Variants in R3HDM1 observed in about 807,000 individuals in gnomAD.
R3HDM1 encodes the protein R3H domain containing 1.
R3HDM1 carries 46 observed loss-of-function variants against 141.1 expected under a neutral mutation model. The ratio of observed to expected loss-of-function variants is 0.33; its 90% CI spans 0.26 to 0.42. The LOEUF is 0.42. Ranked by LOEUF, R3HDM1 falls within the 10% of genes least tolerant of loss-of-function variation. The probability of loss-of-function intolerance (pLI) is 1.00; values close to 1 mark genes in which losing one functional copy is unlikely to be tolerated. For synonymous variants in R3HDM1, 435 were observed against 472.9 expected (o/e 0.92, Z 1.04); for missense variants, 1,184 against 1,368.3 (o/e 0.87, Z 2.12).
At chr2:135,632,051 T>G (rs1291437412) in intron 9 of R3HDM1, 50 bp downstream of exon 9, 1 of 1,338,846 alleles carries the variant, frequency 7.5e-7, no homozygotes, top group Non-Finnish European at 1.0e-6. Flanking sequence ...ATAATAATAC[T>G]TTATCTTTCT....
chr2:135,650,301 C>T (rs2105275905), intron 17 of R3HDM1: 4 of 985,382 alleles, frequency 4.1e-6, no homozygotes, highest in Non-Finnish European at 4.8e-6. Flanking sequence ...GAGGCCACTG[C>T]AGGATCTGTG....
chr2:135,569,261 G>T (rs1703501199), intron 1 of R3HDM1, among the ~76,000 whole-genome samples: 2 of 152,062 alleles, frequency 1.3e-5, no homozygotes, highest in Admixed American at 1.3e-4. Flanking sequence ...GAGGCGGGTG[G>T]ATCACAAGGT....
intron 1 of R3HDM1, among the ~76,000 whole-genome samples, chr2:135,568,428 C>T (rs955465075): frequency 2.6e-5 from 4 of 151,944 alleles, no homozygotes; most frequent in Non-Finnish European, 4.4e-5. Context: ...CCGCTCACTG[C>T]ATCCTCCACC....
chr2:135,714,044 A>G (rs1374942506), intron 23 of R3HDM1, among the ~76,000 whole-genome samples: 1 of 152,164 alleles, frequency 6.6e-6, no homozygotes, highest in Non-Finnish European at 1.5e-5. Flanking sequence ...AAGAGTCACC[A>G]CTAGAGGCTA....
chr2:135,711,033 A>G (rs187312748), intron 23 of R3HDM1, among the ~76,000 whole-genome samples: 2 of 152,356 alleles, frequency 1.3e-5, no homozygotes, highest in African/African-American at 4.8e-5. Context: ...TCCACTGATC[A>G]GTTGTAACAT....
chr2:135,556,265 G>A (rs1366446269), intron 1 of R3HDM1, among the ~76,000 whole-genome samples: 2 of 152,084 alleles, frequency 1.3e-5, no homozygotes, highest in Non-Finnish European at 2.9e-5. Flanking sequence ...GTTGTTTTTT[G>A]TGGTAATAAA....
intron 19 of R3HDM1, among the ~76,000 whole-genome samples, chr2:135,673,190 G>A (rs1041204483): frequency 7.9e-5 from 12 of 152,186 alleles, no homozygotes; most frequent in African/African-American, 2.2e-4. Context: ...GTGCACACCC[G>A]TAGTCCTAGC....
chr2:135,609,311 A>G (rs2060328932), intron 3 of R3HDM1, among the ~76,000 whole-genome samples: 1 of 152,344 alleles, frequency 6.6e-6, no homozygotes, highest in East Asian at 1.9e-4. Context: ...AATATTTTAT[A>G]GAAATTTTAG....
chr2:135,686,304 G>C (rs112785305), intron 21 of R3HDM1, among the ~76,000 whole-genome samples: 5 of 152,200 alleles, frequency 3.3e-5, no homozygotes, highest in Admixed American at 3.3e-4. Context: ...ATTTGATCCA[G>C]CAATTCCAAA....
intron 11 of R3HDM1, among the ~76,000 whole-genome samples, chr2:135,637,453 C>A (rs555555259): frequency 4.3e-4 from 65 of 152,202 alleles, no homozygotes; most frequent in Non-Finnish European, 7.6e-4. Context: ...CTCAGGAGTT[C>A]AAGACCAGCC....
At chr2:135,643,760 A>C (rs1172265624) in intron 15 of R3HDM1, among the ~76,000 whole-genome samples, 1 of 152,216 alleles carries the variant, frequency 6.6e-6, no homozygotes, top group Admixed American at 6.5e-5. Flanking sequence ...GTACATATAC[A>C]CCATTAAATA....
At chr2:135,569,197 A>T (rs1259505522) in intron 1 of R3HDM1, among the ~76,000 whole-genome samples, 1 of 152,058 alleles carries the variant, frequency 6.6e-6, no homozygotes, top group Admixed American at 6.6e-5. Flanking sequence ...TTAATTTCGC[A>T]ATTACTGCCA....
intron 19 of R3HDM1, chr2:135,670,307 G>A (rs1274520521): frequency 1.0e-6 from 1 of 985,024 alleles, no homozygotes; most frequent in Non-Finnish European, 1.2e-6. Context: ...GCAGACACAG[G>A]AAGCTGACAG....
At position 135,608,037 on chromosome 2, in the gene R3HDM1, C is replaced by T. The variant is rs140868776; in HGVS notation, c.171+3021C>T. 202 of 935,578 alleles carry T rather than the reference C, an allele frequency of 2.2e-4. 1 individual carries two copies. In the African/African-American group the frequency reaches 3.0e-3, roughly 14 times the overall value. The allele number at this position is 935,578 out of a possible 1,614,324, so 58.0% of individuals were successfully genotyped here. ...TTTATTAATAATTTACTATATGGGC[C>T]GGGCGCAGTGGCTCACATCTGTAAT... On this transcript the variant is annotated intron_variant, in intron 3 of 26. Transcript: ENST00000683871.
intron 2 of R3HDM1, among the ~76,000 whole-genome samples, chr2:135,603,459 A>G (rs1390780100): frequency 3.3e-5 from 5 of 152,264 alleles, no homozygotes; most frequent in Admixed American, 2.6e-4. Flanking sequence ...GAACATCCCT[A>G]TAACCACCCC....
chr2:135,695,269 C>T (rs2073067125), intron 21 of R3HDM1, among the ~76,000 whole-genome samples: 1 of 152,092 alleles, frequency 6.6e-6, no homozygotes, highest in Non-Finnish European at 1.5e-5. Flanking sequence ...TACCTGTCTC[C>T]AATCAAAAAT....
At chr2:135,550,121 A>G (rs1432477811) in intron 1 of R3HDM1, 14 of 983,720 alleles carry the variant, frequency 1.4e-5, no homozygotes, top group Admixed American at 6.1e-5. Flanking sequence ...ATAAATTACA[A>G]ATGAAATATT....
At chr2:135,657,024 C>T (rs988562118) in intron 18 of R3HDM1, among the ~76,000 whole-genome samples, 4 of 151,854 alleles carry the variant, frequency 2.6e-5, no homozygotes, top group Non-Finnish European at 5.9e-5. Flanking sequence ...TGCTTGAACC[C>T]GGGCAGCAGA....
At chr2:135,622,556 T>C in intron 6 of R3HDM1, 98 bp from the exon 7 acceptor site, 1 of 1,375,652 alleles carries the variant, frequency 7.3e-7, no homozygotes, top group Non-Finnish European at 9.5e-7. Context: ...ATGTGGGGCA[T>C]CTTGTTTTAT....
Sources: allele counts gnomAD v4.1 joint callset (sites outside exome capture counted in the v4.1 genomes callset), GRCh38; gene constraint gnomAD v4.1.1; transcripts MANE v1.5; gene names NCBI Gene and HGNC (gene_info 2026-07-23, HGNC 2026-07-21).